Variants in ANO4 observed in about 807,000 individuals in gnomAD.
ANO4 encodes anoctamin-4.
ANO4 carries 69 observed loss-of-function variants against 141.9 expected under a neutral mutation model. The observed-to-expected ratio is 0.49, with a 90% CI of 0.40 to 0.59. ANO4 has a LOEUF of 0.59. Ranked by LOEUF, ANO4 falls within the 20% of genes least tolerant of loss-of-function variation. The pLI, the probability that ANO4 is intolerant of heterozygous loss-of-function variation, is 0.00. For missense variants in ANO4, 894 were observed against 1,162.2 expected (o/e 0.77, Z 3.36); for synonymous variants, 350 against 394.3 (o/e 0.89, Z 1.33).
At position 100,923,976 on chromosome 12, in the gene ANO4, A is replaced by G. The variant is rs955911478; in HGVS notation, c.160+1646A>G. The stretch of plus-strand genomic sequence containing the variant: ...GTTCATATCCTTTGCCCACTTTTTG[A>G]TGGGGTTGTTTGTTTTTTTTCTTGT... On this transcript the variant is annotated intron_variant, in intron 3 of 27. Coordinates refer to ENST00000392977, the MANE Select transcript of ANO4 (RefSeq NM_001286615.2). 2.5e-4 allele frequency among the ~76,000 whole-genome samples: 38 copies of G among 151,660 alleles called. 1 individual carries two copies. The highest frequency in any genetic ancestry group is 1.8e-3 in the Admixed American group (28 of 15,238).
At chr12:100,922,411 T>A (rs2041672606) in intron 3 of ANO4, 81 bp downstream of exon 3, 6 of 908,680 alleles carry the variant, frequency 6.6e-6, no homozygotes, top group Non-Finnish European at 7.8e-6. Flanking sequence ...ACTAGAAACC[T>A]TAGATGTCAA....
chr12:100,787,821 C>T (rs1452464971), intron 3 of ANO4, among the ~76,000 whole-genome samples: 5 of 151,928 alleles, frequency 3.3e-5, no homozygotes, highest in African/African-American at 4.8e-5. Flanking sequence ...GAGTAGATAG[C>T]GATGCATTTA....
At position 100,909,552 on chromosome 12, in the gene ANO4, C is replaced by A. The variant is rs115017757; in HGVS notation, c.55+7712C>A. On this transcript the variant is annotated intron_variant, in intron 2 of 27. Coordinates refer to ENST00000392977, the MANE Select transcript of ANO4 (RefSeq NM_001286615.2). ...GATAGAAGTCAAACTGTATTAAGGG[C>A]TGGAACACAGAAATAAATAAGGTTA... 7.7e-3 allele frequency among the ~76,000 whole-genome samples: 1,166 copies of A among 152,226 alleles called. 15 individuals are homozygous for A. Among genetic ancestry groups the A allele is most frequent in the African/African-American group, 0.026 (1,101 of 41,554 alleles).
chr12:100,799,053 C>T (rs1196005662), intron 1 of ANO4, among the ~76,000 whole-genome samples: 2 of 152,192 alleles, frequency 1.3e-5, no homozygotes, highest in Non-Finnish European at 1.5e-5. Flanking sequence ...CACAGCCAGT[C>T]ACAGAGAGAT....
intron 2 of ANO4, among the ~76,000 whole-genome samples, chr12:100,907,338 C>T (rs1367635474): frequency 6.6e-6 from 1 of 152,204 alleles, no homozygotes; most frequent in Non-Finnish European, 1.5e-5. Context: ...ATCCCTTCCC[C>T]TAATAAATGT....
chr12:100,942,612 A>T, intron 5 of ANO4, 77 bp downstream of exon 5: 1 of 1,444,088 alleles, frequency 6.9e-7, no homozygotes, highest in South Asian at 1.4e-5. Flanking sequence ...ATAAGCAAGC[A>T]GTCTTAATGT....
At chr12:101,027,619 C>T (rs2046798503) in intron 9 of ANO4, among the ~76,000 whole-genome samples, 1 of 152,206 alleles carries the variant, frequency 6.6e-6, no homozygotes, top group South Asian at 2.1e-4. Context: ...CCTCTTCAGG[C>T]ACTGACATAT....
At chr12:101,033,692 G>C (rs149312553) in intron 9 of ANO4, among the ~76,000 whole-genome samples, 6,234 of 152,222 alleles carry the variant, frequency 0.041, 213 homozygotes, top group East Asian at 0.11. Flanking sequence ...ACTATCATCA[G>C]AGTGAACAGA....
chr12:101,067,564 T>C (rs2048643363), intron 14 of ANO4, among the ~76,000 whole-genome samples: 1 of 152,184 alleles, frequency 6.6e-6, no homozygotes, highest in Non-Finnish European at 1.5e-5. Context: ...ATACCTGTAG[T>C]CCCAGCTACT....
At chr12:100,983,908 C>A (rs1308028206) in intron 7 of ANO4, among the ~76,000 whole-genome samples, 2 of 152,086 alleles carry the variant, frequency 1.3e-5, no homozygotes, top group African/African-American at 4.8e-5. Context: ...ACTCTGGTAA[C>A]CAGAGGAAGA....
chr12:100,853,068 A>G (rs1210056922), intron 1 of ANO4, among the ~76,000 whole-genome samples: 4 of 152,196 alleles, frequency 2.6e-5, no homozygotes, highest in African/African-American at 4.8e-5. Flanking sequence ...ACCTTTGTAC[A>G]ACTTTCTAAC....
intron 1 of ANO4, among the ~76,000 whole-genome samples, chr12:100,874,007 A>G (rs1159586413): frequency 2.0e-5 from 3 of 152,202 alleles, no homozygotes; most frequent in African/African-American, 7.2e-5. Context: ...GATACATCTT[A>G]GGCCACTGCT....
chr12:100,746,556 G>A (rs965639361), intron 3 of ANO4, among the ~76,000 whole-genome samples: 5 of 152,136 alleles, frequency 3.3e-5, no homozygotes, highest in African/African-American at 9.7e-5. Context: ...TCTCAAGCAG[G>A]GATGATGTTG....
Position 101,048,361 on chromosome 12 carries a change from T to C in ANO4, c.1272T>C (p.Asn424=). 1.2e-6 allele frequency: 2 copies of C among 1,613,820 alleles called. No homozygotes were observed. The highest frequency in any genetic ancestry group is 1.7e-6 in the Non-Finnish European group (2 of 1,179,792). The change falls in exon 14 of 28, where the codon AAT becomes AAC. Residue 424 remains asparagine, a synonymous_variant. Coordinates refer to ENST00000392977, the MANE Select transcript of ANO4 (RefSeq NM_001286615.2). ...VYAKVTHLFD[N]GATVFFAVFM... is the part of the protein sequence containing the mutation. The stretch of plus-strand genomic sequence containing the variant: ...CACAGGTAACCCACCTTTTTGACAA[T>C]GGAGCCACTGTCTTCTTTGCTGTTT...
intron 5 of ANO4, among the ~76,000 whole-genome samples, chr12:100,950,244 GAAAATC>G (rs1296238070): frequency 1.4e-4 from 21 of 152,030 alleles, no homozygotes; most frequent in Non-Finnish European, 4.4e-5. Flanking sequence ...AAAAGAAAAA[GAAAATC>G]AGACTTTTCT....
rs142131058 is a variant in ANO4, at chr12:100,786,093, G to T, written c.358+45988G>T. On this transcript the variant is annotated intron_variant, in intron 3 of 29. Transcript: ENST00000644049. Reference sequence around the variant, plus strand: ...GAAATTCTATAGCAATGGCACACTAGCTAATCACTCCTGTAGCACTGATAT... The same window carrying T: ...GAAATTCTATAGCAATGGCACACTATCTAATCACTCCTGTAGCACTGATAT... Among the ~76,000 whole-genome samples, 41 of 152,258 alleles carry T rather than the reference G, an allele frequency of 2.7e-4. 1 individual carries two copies. The East Asian group carries it at 5.6e-3, about 21-fold the overall frequency.
rs138737410 is a variant in ANO4, at chr12:100,743,778, C to T, written c.358+3673C>T. On this transcript the variant is annotated intron_variant, in intron 3 of 29. Transcript: ENST00000644049. Reference sequence around the variant, plus strand: ...TTTGCTACATGGCCAAATTGCATTTCGCTTGGGTTTGTTATACAAATTATT... The same window carrying T: ...TTTGCTACATGGCCAAATTGCATTTTGCTTGGGTTTGTTATACAAATTATT... Among the ~76,000 whole-genome samples the T allele has an allele frequency of 3.5e-3, 538 of 152,194 alleles. 2 individuals carry two copies. Among genetic ancestry groups the T allele is most frequent in the Admixed American group, 4.9e-3 (75 of 15,284 alleles).
intron 8 of ANO4, among the ~76,000 whole-genome samples, chr12:101,011,322 T>TC (rs1055347686): frequency 6.6e-6 from 1 of 150,630 alleles, no homozygotes; most frequent in Non-Finnish European, 1.5e-5. Context: ...TTTTTTCTTT[T>TC]TTTTTTTTTT....
chr12:100,774,784 C>G (rs147746654), intron 3 of ANO4, among the ~76,000 whole-genome samples: 36 of 152,314 alleles, frequency 2.4e-4, no homozygotes, highest in South Asian at 1.0e-3. Context: ...TTAATTCTTT[C>G]CTATAATCAT....
Sources: allele counts gnomAD v4.1 joint callset (sites outside exome capture counted in the v4.1 genomes callset), GRCh38; gene constraint gnomAD v4.1.1; transcripts MANE v1.5; gene names NCBI Gene and HGNC (gene_info 2026-07-23, HGNC 2026-07-21).